WWOX: variants seen among roughly 807,000 people sequenced by gnomAD.
The protein encoded by WWOX is WW domain containing oxidoreductase.
Under a neutral mutation model 46.2 loss-of-function variants are expected in WWOX, and 69 were observed. That is an observed-to-expected ratio of 1.49 (90% CI 1.23 to 1.82). The LOEUF is 1.82. Ranked by LOEUF, WWOX falls within the 40% of genes most tolerant of loss-of-function variation. The pLI is 0.00. For synonymous variants in WWOX, 359 were observed against 202.6 expected (o/e 1.77, Z -6.56); for missense variants, 919 against 542.6 (o/e 1.69, Z -6.89).
At chr16:78,975,871 C>A (rs12051206) in intron 8 of WWOX, among the ~76,000 whole-genome samples, 2 of 152,086 alleles carry the variant, frequency 1.3e-5, no homozygotes, top group Admixed American at 6.5e-5. Flanking sequence ...GCCATTAGGA[C>A]CAAACCTCTT....
At chr16:78,396,689 C>T (rs578143953) in intron 6 of WWOX, among the ~76,000 whole-genome samples, 3 of 152,318 alleles carry the variant, frequency 2.0e-5, no homozygotes, top group East Asian at 1.9e-4. Flanking sequence ...AGACATTCGT[C>T]GGCAAAGTTT....
At chr16:79,110,085 T>C (rs182961643) in intron 8 of WWOX, among the ~76,000 whole-genome samples, 4 of 152,192 alleles carry the variant, frequency 2.6e-5, no homozygotes, top group Non-Finnish European at 5.9e-5. Flanking sequence ...TTTCAGACTT[T>C]CGCTTAGCAA....
rs139018016 is a variant in WWOX at position 78,516,750 on chromosome 16, A to C, written c.1056+83998A>C. Among the ~76,000 whole-genome samples, 74 of 152,302 alleles carry C rather than the reference A, an allele frequency of 4.9e-4. 2 individuals carry two copies. In the East Asian group the frequency reaches 0.013, roughly 27 times the overall value. The stretch of plus-strand genomic sequence containing the variant: ...CATAATTTAAACGCGAGGGTTTCCT[A>C]ATGCTCCTTCCATTTAAATAATTCA... On this transcript the variant is annotated intron_variant, in intron 8 of 8. Transcript: ENST00000566780.
At chr16:79,138,473 C>A (rs1238737134) in intron 8 of WWOX, among the ~76,000 whole-genome samples, 1 of 152,232 alleles carries the variant, frequency 6.6e-6, no homozygotes, top group African/African-American at 2.4e-5. Flanking sequence ...CGTCTCTTTC[C>A]TGTTGGAACA....
intron 8 of WWOX, among the ~76,000 whole-genome samples, chr16:78,689,567 C>G (rs1023504698): frequency 6.6e-6 from 1 of 152,252 alleles, no homozygotes; most frequent in Middle Eastern, 3.4e-3. Context: ...GAGAGAATCC[C>G]TTCACCCTTC....
At chr16:78,905,788 C>G (rs545294919) in intron 8 of WWOX, among the ~76,000 whole-genome samples, 3 of 152,278 alleles carry the variant, frequency 2.0e-5, no homozygotes, top group African/African-American at 7.2e-5. Flanking sequence ...TAGTTTAAAA[C>G]CAACTTCTTA....
chr16:79,011,802 A>T (rs971468565), intron 8 of WWOX, among the ~76,000 whole-genome samples: 2 of 151,728 alleles, frequency 1.3e-5, no homozygotes, highest in Admixed American at 6.6e-5. Context: ...CCCCTTTTTT[A>T]AAAAACAAAA....
At chr16:78,390,170 G>A (rs2082149385) in intron 6 of WWOX, among the ~76,000 whole-genome samples, 1 of 152,202 alleles carries the variant, frequency 6.6e-6, no homozygotes, top group African/African-American at 2.4e-5. Context: ...TTTCCTCATA[G>A]CATGTGAGAT....
chr16:78,702,382 G>T (rs1306796220), intron 8 of WWOX, among the ~76,000 whole-genome samples: 1 of 151,994 alleles, frequency 6.6e-6, no homozygotes, highest in Non-Finnish European at 1.5e-5. Flanking sequence ...GGGCATGGTA[G>T]CTCACGCCTG....
At chr16:78,355,245 TG>T (rs2081260717) in intron 5 of WWOX, among the ~76,000 whole-genome samples, 5 of 113,114 alleles carry the variant, frequency 4.4e-5, no homozygotes, top group African/African-American at 1.8e-4. Flanking sequence ...CCTGTGTGTG[TG>T]TGTGTCTGTA....
intron 8 of WWOX, chr16:78,891,393 C>T (rs911439937): frequency 6.6e-6 from 1 of 152,170 alleles, no homozygotes; most frequent in South Asian, 2.1e-4. Context: ...GTTCCTGTTA[C>T]CAGGGAATAC....
intron 8 of WWOX, among the ~76,000 whole-genome samples, chr16:78,760,451 G>A (rs1304154241): frequency 1.3e-5 from 2 of 152,146 alleles, no homozygotes; most frequent in East Asian, 1.9e-4. Context: ...ATCATGCAAG[G>A]TAGCATACTC....
intron 8 of WWOX, among the ~76,000 whole-genome samples, chr16:78,702,065 T>C (rs1286615131): frequency 4.1e-5 from 5 of 122,910 alleles, no homozygotes; most frequent in Non-Finnish European, 8.1e-5. Context: ...AGAAGTTTTA[T>C]ATATATATAA....
At chr16:78,529,356 C>A (rs974914948) in intron 8 of WWOX, among the ~76,000 whole-genome samples, 1 of 152,154 alleles carries the variant, frequency 6.6e-6, no homozygotes, top group African/African-American at 2.4e-5. Flanking sequence ...AGCCCTCTTA[C>A]TGAATTATGT....
At chr16:78,186,895 C>G (rs1479551150) in intron 5 of WWOX, among the ~76,000 whole-genome samples, 2 of 152,214 alleles carry the variant, frequency 1.3e-5, no homozygotes, top group Non-Finnish European at 2.9e-5. Context: ...GTGATAGTCA[C>G]AGCATAACAA....
chr16:78,926,949 A>G (rs1381488314), intron 8 of WWOX, among the ~76,000 whole-genome samples: 12 of 152,248 alleles, frequency 7.9e-5, no homozygotes, highest in African/African-American at 2.4e-4. Flanking sequence ...GGCACCAGCA[A>G]TGACACCTGC....
chr16:78,578,743 T>G (rs1251245756), intron 8 of WWOX, among the ~76,000 whole-genome samples: 2 of 152,156 alleles, frequency 1.3e-5, no homozygotes, highest in Non-Finnish European at 2.9e-5. Context: ...ACATAACAAG[T>G]AAATGGAAAT....
intron 8 of WWOX, among the ~76,000 whole-genome samples, chr16:78,877,775 A>G (rs2044263895): frequency 6.6e-6 from 1 of 152,164 alleles, no homozygotes; most frequent in Non-Finnish European, 1.5e-5. Context: ...TATTTATTGG[A>G]GGAATGAATC....
rs556435170 is a variant in WWOX at position 78,105,441 on chromosome 16, A to C, written c.108-2982A>C. ...ACCACTGTACTGCAGCCTGGGTGAC[A>C]GAGTGAGACTCTGTCTCAAAAAAAA... On this transcript the variant is annotated intron_variant, in intron 1 of 8. Transcript: ENST00000566780. Among the ~76,000 whole-genome samples the C allele has an allele frequency of 1.1e-3, 158 of 147,898 alleles. 1 individual carries two copies. The highest frequency in any genetic ancestry group is 3.8e-3 in the African/African-American group (154 of 40,150).
Sources: allele counts gnomAD v4.1 joint callset (sites outside exome capture counted in the v4.1 genomes callset), GRCh38; gene constraint gnomAD v4.1.1; transcripts MANE v1.5; gene names NCBI Gene and HGNC (gene_info 2026-07-23, HGNC 2026-07-21).